Variants in MAP3K9 observed in about 807,000 individuals in gnomAD.
MAP3K9 encodes the protein mitogen-activated protein kinase kinase kinase 9.
Under a neutral mutation model 95.8 loss-of-function variants are expected in MAP3K9, and 46 were observed. The observed-to-expected ratio is 0.48, with a 90% CI of 0.38 to 0.61. The LOEUF is 0.61. MAP3K9 is among the 20% of genes least tolerant of loss of function. MAP3K9 has a pLI of 0.00. For synonymous variants in MAP3K9, 533 were observed against 593.8 expected (o/e 0.90, Z 1.49); for missense variants, 1,296 against 1,474.3 (o/e 0.88, Z 1.98).
At chr14:70,755,306 T>C (rs2054285018) in intron 3 of MAP3K9, among the ~76,000 whole-genome samples, 1 of 152,154 alleles carries the variant, frequency 6.6e-6, no homozygotes, top group African/African-American at 2.4e-5. Flanking sequence ...GCACGCACGG[T>C]GGGCTGATCA....
intron 2 of MAP3K9, among the ~76,000 whole-genome samples, chr14:70,785,752 C>T (rs983672316): frequency 1.3e-5 from 2 of 152,022 alleles, no homozygotes; most frequent in Admixed American, 6.6e-5. Context: ...GGTAGTACAC[C>T]CAGTGTGGAC....
At chr14:70,748,742 G>C in intron 5 of MAP3K9, 87 bp downstream of exon 5, 1 of 1,035,540 alleles carries the variant, frequency 9.7e-7, no homozygotes, top group Non-Finnish European at 1.4e-6. Flanking sequence ...ACTCGGTCCA[G>C]AGGTCCCTGT....
chr14:70,733,084 GC>G lies in MAP3K9; in HGVS notation c.2284del (p.Ala762ProfsTer4), dbSNP rs1301816720. On this transcript the variant is annotated frameshift_variant, in exon 11 of 12. Transcript: ENST00000554752. LOFTEE classifies it high-confidence loss of function. ...ALLGCGAVLA[A>X]TGLGFDLLEA... Reference sequence around the variant, plus strand: ...CAGCAAGTCAAACCCTAGGCCTGTGGCTGCCAGAACAGCCCCACAGCCGAGC... The same window carrying G: ...CAGCAAGTCAAACCCTAGGCCTGTGGTGCCAGAACAGCCCCACAGCCGAGC... 1 of 1,614,090 alleles carries G rather than the reference GC, an allele frequency of 6.2e-7. No individual in the cohort carries two copies. The highest frequency in any genetic ancestry group is 8.5e-7 in the Non-Finnish European group (1 of 1,180,040).
intron 3 of MAP3K9, among the ~76,000 whole-genome samples, chr14:70,753,941 C>A (rs972700149): frequency 6.6e-6 from 1 of 152,090 alleles, no homozygotes; most frequent in South Asian, 2.1e-4. Flanking sequence ...TTTGTAGTAA[C>A]CTGCACCATC....
intron 8 of MAP3K9, 44 bp from the exon 9 acceptor site, chr14:70,736,073 A>G: frequency 7.4e-7 from 1 of 1,348,648 alleles, no homozygotes; most frequent in East Asian, 2.3e-5. Context: ...TGGAGGGCAC[A>G]TCCAGCTCAG....
At chr14:70,747,101 G>C (rs928603841) in intron 5 of MAP3K9, among the ~76,000 whole-genome samples, 1 of 152,222 alleles carries the variant, frequency 6.6e-6, no homozygotes, top group Non-Finnish European at 1.5e-5. Flanking sequence ...CATAAAAAGA[G>C]TTTAATTCTT....
intron 2 of MAP3K9, among the ~76,000 whole-genome samples, chr14:70,794,722 G>C (rs1045968581): frequency 1.3e-5 from 2 of 150,892 alleles, no homozygotes; most frequent in Non-Finnish European, 1.5e-5. Context: ...CTGTCACCCA[G>C]GCTGGAGTGC....
chr14:70,742,100 A>G (rs1022132589), intron 6 of MAP3K9, among the ~76,000 whole-genome samples: 1 of 152,198 alleles, frequency 6.6e-6, no homozygotes, highest in African/African-American at 2.4e-5. Context: ...CCAGGCTTCT[A>G]GCAGCCTGGA....
At chr14:70,779,038 C>A (rs576540691) in intron 2 of MAP3K9, among the ~76,000 whole-genome samples, 1 of 152,278 alleles carries the variant, frequency 6.6e-6, no homozygotes, top group South Asian at 2.1e-4. Context: ...AGAAGAAAGA[C>A]CACTCCCAGC....
At chr14:70,759,250 G>T (rs1239833365) in intron 3 of MAP3K9, among the ~76,000 whole-genome samples, 1 of 152,082 alleles carries the variant, frequency 6.6e-6, no homozygotes, top group African/African-American at 2.4e-5. Context: ...TTCAAGACCA[G>T]CCTGGTCAAC....
At chr14:70,783,173 G>T in intron 2 of MAP3K9, 1 of 730,660 alleles carries the variant, frequency 1.4e-6, no homozygotes, top group Non-Finnish European at 1.7e-6. Context: ...AAATTGGCCA[G>T]ATTCATGGTC....
rs770575759 is a variant in MAP3K9 at position 70,732,895 on chromosome 14, A to C, written c.2474T>G (p.Leu825Arg). The change falls in exon 11 of 12, where the codon CTA (leucine) becomes CGA (arginine). Residue 825 changes from leucine to arginine, a missense_variant. Physicochemically the swap from Leu to Arg is moderately radical, Grantham distance 102. Around this residue, in one of 5 missense-constraint regions of MAP3K9, gnomAD observed 433 missense variants for 441.4 expected, o/e 0.98. Transcript: ENST00000554752. The part of the protein sequence containing the change: ...LFKKEEPMLL[L>R]GDPSASLTLL... ...CGTCAGGGAGGCAGAGGGGTCTCCT[A>C]GCAACAGCATGGGCTCCTCCTTCTT... is the stretch of plus-strand genomic sequence containing the variant. The C allele has an allele frequency of 6.2e-7, 1 of 1,613,886 alleles. No homozygotes were observed. Among genetic ancestry groups the C allele is most frequent in the Admixed American group, 1.7e-5 (1 of 60,000 alleles).
intron 6 of MAP3K9, 75 bp downstream of exon 6, chr14:70,742,276 C>G (rs919015403): frequency 1.3e-6 from 2 of 1,554,812 alleles, no homozygotes; most frequent in Non-Finnish European, 1.7e-6. Context: ...AGCTCAGTCC[C>G]GGACTCCCTC....
Position 70,740,080 on chromosome 14 carries a change from G to C in MAP3K9, c.1652C>G (p.Ala551Gly), listed in dbSNP as rs545676302. 1.2e-6 allele frequency: 2 copies of C among 1,614,222 alleles called. No homozygotes were observed. Among genetic ancestry groups the C allele is most frequent in the South Asian group, 2.2e-5 (2 of 91,082 alleles). Residue 551 changes from alanine (A) to glycine (G), a missense_variant, in exon 7 of 12, where the codon GCA (alanine) becomes GGA (glycine). By Grantham distance (60) the Ala-to-Gly change is moderately conservative (BLOSUM62 0). This residue lies in a region of MAP3K9 where 377 missense variants were observed against 417.1 expected (regional missense o/e 0.90). Transcript: ENST00000554752. ...AAGGCGAGGAATGATGGTGGGGCTT[G>C]CAGGAGGACTGGAGCGGCTGTTGAT... ...SLINSRSSPP[A>G]SPTIIPRLRA...
Position 70,724,184 on chromosome 14 carries a change from C to T in MAP3K9, c.*6196G>A, listed in dbSNP as rs2053789282. 6.6e-6 allele frequency: 1 copy of T among 152,346 alleles called. No individual in the cohort carries two copies. Among genetic ancestry groups the T allele is most frequent in the South Asian group, 2.1e-4 (1 of 4,824 alleles). 9.4% of individuals were successfully genotyped at this position (152,346 alleles called of 1,614,324 possible). A position where few individuals can be genotyped will look rare whatever the true frequency, so the allele number is the denominator to read the frequency against. Reference sequence around the variant, plus strand: ...TTAAGAGGAGAATCTAAAGGAGCCTCTCTGCCATAATCACTTCCCTTCTCC... The same window carrying T: ...TTAAGAGGAGAATCTAAAGGAGCCTTTCTGCCATAATCACTTCCCTTCTCC... On this transcript the variant is annotated 3_prime_UTR_variant, in exon 12 of 12. Coordinates refer to ENST00000554752, the MANE Select transcript of MAP3K9 (RefSeq NM_001284230.2).
intron 1 of MAP3K9, among the ~76,000 whole-genome samples, chr14:70,805,161 T>G (rs1259194020): frequency 6.6e-6 from 1 of 152,238 alleles, no homozygotes; most frequent in Non-Finnish European, 1.5e-5. Flanking sequence ...CAAGATGTTA[T>G]TCCCTCTCAA....
intron 2 of MAP3K9, among the ~76,000 whole-genome samples, chr14:70,794,277 C>T (rs897692114): frequency 6.6e-6 from 1 of 152,192 alleles, no homozygotes; most frequent in African/African-American, 2.4e-5. Context: ...AAATACAGTT[C>T]ACCACTCACC....
At chr14:70,782,377 T>C (rs11621269) in intron 2 of MAP3K9, among the ~76,000 whole-genome samples, 71,184 of 151,912 alleles carry the variant, frequency 0.47, 16,916 homozygotes, top group South Asian at 0.59. Context: ...AAAGAAAACA[T>C]TCCAGGCTCT....
At chr14:70,755,178 G>A (rs1180042029) in intron 3 of MAP3K9, among the ~76,000 whole-genome samples, 1 of 152,226 alleles carries the variant, frequency 6.6e-6, no homozygotes, top group Non-Finnish European at 1.5e-5. Flanking sequence ...CATAGGGCAA[G>A]CATTCCACAG....
Sources: gnomAD v4.1 joint callset for allele counts (sites outside exome capture counted in the v4.1 genomes callset) on GRCh38, gnomAD v4.1.1 for gene constraint, gnomAD v4.1.1 regional missense constraint, MANE v1.5 for transcripts, NCBI Gene and HGNC (gene_info 2026-07-23, HGNC 2026-07-21) for gene names.